GPHN: variants seen among roughly 807,000 people sequenced by gnomAD.
GPHN encodes gephyrin.
GPHN carries 17 observed loss-of-function variants against 95.5 expected under a neutral mutation model. The observed-to-expected ratio is 0.18, with a 90% CI of 0.12 to 0.27. GPHN has a LOEUF of 0.27. Among genes scored for constraint, GPHN ranks in the 10% least tolerant of loss-of-function variants. The pLI, the probability that GPHN is intolerant of heterozygous loss-of-function variation, is 1.00. For missense variants in GPHN, 660 were observed against 978.1 expected (o/e 0.67, Z 4.34); for synonymous variants, 320 against 322.5 (o/e 0.99, Z 0.08).
rs1346269302 is a variant in GPHN, at chr14:66,508,426, C to G, written c.-102C>G. 4 of 1,011,668 alleles carry G rather than the reference C, an allele frequency of 4.0e-6. No individual in the cohort carries two copies. The African/African-American group carries it at 6.3e-5, about 16-fold the overall frequency. The allele number at this position is 1,011,668 out of a possible 1,614,324, so 62.7% of individuals were successfully genotyped here. A position where few individuals can be genotyped will look rare whatever the true frequency, so the allele number is the denominator to read the frequency against. On this transcript the variant is annotated 5_prime_UTR_variant, in exon 1 of 23. Coordinates refer to ENST00000478722, the MANE Select transcript of GPHN (RefSeq NM_020806.5). ...CCGCTCTCCTCGCGCTTCTCTGGCT[C>G]CCTAGCTGTCGCGCTCTCCTCGGCG...
chr14:67,641,647 T>G, the GPHN span, among the ~76,000 whole-genome samples: 1 of 152,176 alleles, frequency 6.6e-6, no homozygotes, highest in Admixed American at 6.5e-5. Context: ...GTTTATAATA[T>G]GTGAATTTCT....
At chr14:66,756,461 A>T (rs145342501) in intron 2 of GPHN, among the ~76,000 whole-genome samples, 1 of 152,002 alleles carries the variant, frequency 6.6e-6, no homozygotes, top group Non-Finnish European at 1.5e-5. Context: ...GGCCAACAGA[A>T]CTCGAGCATC....
At chr14:67,581,102 C>T in the GPHN span, 1 of 988,220 alleles carries the variant, frequency 1.0e-6, no homozygotes, top group Non-Finnish European at 1.6e-6. Context: ...CAGCTCATCG[C>T]CTCCTCGACT....
intron 3 of GPHN, among the ~76,000 whole-genome samples, chr14:66,803,438 TTGTTAAATTGG>T: frequency 6.6e-6 from 1 of 152,262 alleles, no homozygotes. Context: ...GTGTAGATAG[TTGTTAAATTGG>T]TGTACTTGCA....
At chr14:67,626,679 C>T in the GPHN span, among the ~76,000 whole-genome samples, 3 of 152,276 alleles carry the variant, frequency 2.0e-5, no homozygotes, top group East Asian at 1.9e-4. Flanking sequence ...AGGTTGGTCT[C>T]GAACTCCTAG....
chr14:66,596,286 C>T lies in GPHN; in HGVS notation c.65-84821C>T, dbSNP rs148720325. Among the ~76,000 whole-genome samples the T allele has an allele frequency of 3.0e-3, 456 of 152,244 alleles. 3 individuals carry two copies. Among genetic ancestry groups the T allele is most frequent in the African/African-American group, 0.011 (437 of 41,562 alleles). On this transcript the variant is annotated intron_variant, in intron 1 of 22. Coordinates refer to ENST00000478722, the MANE Select transcript of GPHN (RefSeq NM_020806.5). ...GAAAAAGCACCAGAAGTTCTCCCTCCAGTCCATGGCACTGGCAGTCCAGTC... is the reference window on the plus strand; with the variant it reads ...GAAAAAGCACCAGAAGTTCTCCCTCTAGTCCATGGCACTGGCAGTCCAGTC...
the GPHN span, among the ~76,000 whole-genome samples, chr14:67,496,294 T>C: frequency 6.6e-6 from 1 of 151,442 alleles, no homozygotes; most frequent in African/African-American, 2.4e-5. Context: ...GGTTTTGTCA[T>C]GTTGCCCAGG....
the GPHN span, chr14:67,678,023 G>T: frequency 4.4e-6 from 1 of 228,408 alleles, no homozygotes; most frequent in Admixed American, 5.4e-5. Context: ...GATTCTCCTA[G>T]GTAGTAGTTT....
At chr14:67,337,706 C>T in the GPHN span, 1 of 152,164 alleles carries the variant, frequency 6.6e-6, no homozygotes. Flanking sequence ...TCAAACAGTA[C>T]TAAAAACCTC....
chr14:67,657,621 CA>C, the GPHN span, among the ~76,000 whole-genome samples: 2 of 138,168 alleles, frequency 1.4e-5, no homozygotes, highest in Non-Finnish European at 3.0e-5. Flanking sequence ...CACACACACA[CA>C]CCCAAAATCA....
At chr14:67,509,499 A>G in the GPHN span, among the ~76,000 whole-genome samples, 4 of 152,092 alleles carry the variant, frequency 2.6e-5, no homozygotes, top group African/African-American at 4.8e-5. Context: ...TTGTGTTTTT[A>G]GTAGAGATGG....
the GPHN span, among the ~76,000 whole-genome samples, chr14:67,211,438 G>A: frequency 1.3e-5 from 2 of 152,084 alleles, no homozygotes; most frequent in African/African-American, 2.4e-5. Flanking sequence ...GAGAACTGGG[G>A]AAAAGAGCAC....
At chr14:66,631,928 G>A (rs927328297) in intron 1 of GPHN, among the ~76,000 whole-genome samples, 3 of 151,774 alleles carry the variant, frequency 2.0e-5, no homozygotes, top group Non-Finnish European at 4.4e-5. Context: ...CTATTGCTTC[G>A]AATTCAGGTT....
chr14:67,639,924 CAAA>C, the GPHN span, among the ~76,000 whole-genome samples: 6 of 61,832 alleles, frequency 9.7e-5, no homozygotes, highest in African/African-American at 3.4e-4. Flanking sequence ...GACCCTGTCT[CAAA>C]AAAAAAAAAA....
At chr14:66,745,751 G>C (rs923592117) in intron 2 of GPHN, among the ~76,000 whole-genome samples, 2 of 151,798 alleles carry the variant, frequency 1.3e-5, no homozygotes, top group African/African-American at 4.8e-5. Context: ...GTTTACTTAT[G>C]TATAATGAGT....
At chr14:67,649,770 T>A in the GPHN span, 3 of 152,208 alleles carry the variant, frequency 2.0e-5, no homozygotes, top group African/African-American at 7.2e-5. Flanking sequence ...AATAAACCAT[T>A]AGGTACATTT....
chr14:66,656,588 A>G (rs1272272335), intron 1 of GPHN, among the ~76,000 whole-genome samples: 1 of 151,946 alleles, frequency 6.6e-6, no homozygotes, highest in Non-Finnish European at 1.5e-5. Flanking sequence ...CATTTTTTCA[A>G]CAGCATGTTT....
chr14:66,860,559 C>T (rs1384888166), intron 4 of GPHN, among the ~76,000 whole-genome samples: 1 of 151,734 alleles, frequency 6.6e-6, no homozygotes, highest in African/African-American at 2.4e-5. Context: ...GTGCAAAACT[C>T]ACTGGTAGTA....
chr14:66,923,642 C>A (rs2066333502), intron 7 of GPHN, among the ~76,000 whole-genome samples: 1 of 152,024 alleles, frequency 6.6e-6, no homozygotes, highest in Admixed American at 6.6e-5. Context: ...TAAAGTCAAC[C>A]TAGTATGCCT....
Sources: gnomAD v4.1 joint callset for allele counts (sites outside exome capture counted in the v4.1 genomes callset) on GRCh38, gnomAD v4.1.1 for gene constraint, MANE v1.5 for transcripts, NCBI Gene and HGNC (gene_info 2026-07-23, HGNC 2026-07-21) for gene names.